CSMD3: variants seen among roughly 807,000 people sequenced by gnomAD.
CSMD3 encodes CUB and Sushi multiple domains 3, also known as CUB and sushi domain-containing protein 3.
CSMD3 carries 177 observed loss-of-function variants against 435.2 expected under a neutral mutation model. That is an observed-to-expected ratio of 0.41 (90% CI 0.36 to 0.46). CSMD3 has a LOEUF of 0.46. Among genes scored for constraint, CSMD3 ranks in the 20% least tolerant of loss-of-function variants. CSMD3 has a pLI of 0.34. For missense variants in CSMD3, 4,265 were observed against 4,504.6 expected (o/e 0.95, Z 1.52); for synonymous variants, 1,656 against 1,520.5 (o/e 1.09, Z -2.07).
intron 5 of CSMD3, among the ~76,000 whole-genome samples, chr8:113,077,552 A>T (rs945376174): frequency 6.6e-6 from 1 of 151,996 alleles, no homozygotes; most frequent in Non-Finnish European, 1.5e-5. Context: ...AAATACAAAG[A>T]TTAGCCGGGT....
chr8:112,255,385 C>T lies in CSMD3; in HGVS notation c.9905G>A (p.Arg3302Lys), dbSNP rs2130279225. The T allele has an allele frequency of 1.2e-6, 2 of 1,613,668 alleles. No individual in the cohort carries two copies. Among genetic ancestry groups the T allele is most frequent in the Non-Finnish European group, 8.5e-7 (1 of 1,179,778 alleles). Residue 3302 changes from arginine (R) to lysine (K), a missense_variant, in exon 62 of 71, where the codon AGA becomes AAA. Coordinates refer to ENST00000297405, the MANE Select transcript of CSMD3 (RefSeq NM_198123.2). ...GDPGIPAQGK[R>K]EGKSFIYQSE... ...CTGGTATATAAAGCTTTTGCCTTCT[C>T]TTTTTCCTTGGGCAGGTATACCAGG...
intron 1 of CSMD3, among the ~76,000 whole-genome samples, chr8:113,316,370 A>C (rs2093909820): frequency 1.3e-5 from 2 of 152,190 alleles, no homozygotes. Context: ...AATATATTTT[A>C]TGTAAGTATG....
At chr8:113,027,962 T>C (rs2086937894) in intron 5 of CSMD3, among the ~76,000 whole-genome samples, 1 of 152,148 alleles carries the variant, frequency 6.6e-6, no homozygotes, top group Admixed American at 6.5e-5. Flanking sequence ...ATGCACAGTT[T>C]GCATAGAATT....
chr8:112,543,672 T>C lies in CSMD3; in HGVS notation c.4564+6999A>G, dbSNP rs373774186. Reference sequence around the variant, plus strand: ...GCCACTATGGAAAATATTATGAAGGTTCCTCAAAAAATCTAAAAATGAAAC... The same window carrying C: ...GCCACTATGGAAAATATTATGAAGGCTCCTCAAAAAATCTAAAAATGAAAC... On this transcript the variant is annotated intron_variant, in intron 27 of 70. Coordinates refer to ENST00000297405, the MANE Select transcript of CSMD3 (RefSeq NM_198123.2). 1.2e-4 allele frequency among the ~76,000 whole-genome samples: 19 copies of C among 152,198 alleles called. No homozygotes were observed. In the East Asian group the frequency reaches 3.3e-3, roughly 26 times the overall value.
chr8:112,670,115 G>T (rs1033189566), intron 16 of CSMD3, among the ~76,000 whole-genome samples: 1 of 152,142 alleles, frequency 6.6e-6, no homozygotes, highest in African/African-American at 2.4e-5. Flanking sequence ...TCATAGAAGA[G>T]ATTCTGTTTA....
intron 13 of CSMD3, among the ~76,000 whole-genome samples, chr8:112,714,490 C>G (rs1227123658): frequency 6.6e-6 from 1 of 152,030 alleles, no homozygotes; most frequent in Non-Finnish European, 1.5e-5. Context: ...GATTTAACAC[C>G]CCACTGTCAA....
At chr8:112,413,945 C>T (rs1163075314) in intron 32 of CSMD3, among the ~76,000 whole-genome samples, 1 of 152,138 alleles carries the variant, frequency 6.6e-6, no homozygotes, top group Non-Finnish European at 1.5e-5. Context: ...TACCCTCTCA[C>T]CTCCACCATC....
intron 2 of CSMD3, among the ~76,000 whole-genome samples, chr8:113,299,898 C>A (rs558350220): frequency 2.0e-5 from 3 of 151,908 alleles, no homozygotes; most frequent in African/African-American, 7.2e-5. Flanking sequence ...GAGGCTGAGG[C>A]AGGAGAATCG....
chr8:112,534,613 T>C (rs2131093982), intron 27 of CSMD3, among the ~76,000 whole-genome samples: 1 of 152,254 alleles, frequency 6.6e-6, no homozygotes, highest in South Asian at 2.1e-4. Context: ...AAGGAGGAAT[T>C]GGTACCATTC....
chr8:112,265,001 G>A (rs1816800519), intron 60 of CSMD3, among the ~76,000 whole-genome samples: 1 of 151,868 alleles, frequency 6.6e-6, no homozygotes, highest in Non-Finnish European at 1.5e-5. Flanking sequence ...CTATAATTCA[G>A]GCCGGCTCTT....
intron 16 of CSMD3, among the ~76,000 whole-genome samples, chr8:112,673,514 A>G (rs1351391983): frequency 6.6e-6 from 1 of 152,160 alleles, no homozygotes; most frequent in Non-Finnish European, 1.5e-5. Context: ...TCATTGTTAG[A>G]TATAAATATA....
chr8:112,792,783 T>TA (rs2078723682), intron 13 of CSMD3, among the ~76,000 whole-genome samples: 3 of 152,132 alleles, frequency 2.0e-5, no homozygotes, highest in Admixed American at 2.0e-4. Flanking sequence ...CTGCACCATT[T>TA]AAAAAATATG....
intron 7 of CSMD3, among the ~76,000 whole-genome samples, chr8:112,955,910 C>A (rs906523533): frequency 1.3e-5 from 2 of 151,778 alleles, no homozygotes; most frequent in Non-Finnish European, 2.9e-5. Flanking sequence ...TCATTCTAAG[C>A]AATTAGTTCA....
intron 10 of CSMD3, among the ~76,000 whole-genome samples, chr8:112,913,999 G>A (rs545000733): frequency 5.9e-4 from 89 of 151,798 alleles, no homozygotes; most frequent in African/African-American, 2.0e-3. Flanking sequence ...TCTCTTTGAG[G>A]AGAAAAATTC....
At chr8:113,361,385 C>T (rs532341617) in intron 1 of CSMD3, among the ~76,000 whole-genome samples, 15 of 151,998 alleles carry the variant, frequency 9.9e-5, no homozygotes, top group Admixed American at 5.9e-4. Context: ...TTATTTATGT[C>T]GATGGAAAAA....
intron 6 of CSMD3, among the ~76,000 whole-genome samples, chr8:113,001,781 C>T (rs759230602): frequency 3.9e-5 from 6 of 152,094 alleles, no homozygotes; most frequent in Non-Finnish European, 5.9e-5. Context: ...TGATGTTATT[C>T]GAGGACCTGC....
Position 113,238,181 on chromosome 8 carries a change from T to C in CSMD3, c.514+40411A>G, listed in dbSNP as rs554763569. Among the ~76,000 whole-genome samples the C allele has an allele frequency of 1.6e-3, 237 of 151,998 alleles. 1 individual carries two copies. Among genetic ancestry groups the C allele is most frequent in the Non-Finnish European group, 3.2e-3 (215 of 68,018 alleles). On this transcript the variant is annotated intron_variant, in intron 3 of 70. Transcript: ENST00000297405. ...CCACATTTGTTTTTAGTTCTGCATATTTGGTGGTAAGAATGAAAAGCTACA... is the reference window on the plus strand; with the variant it reads ...CCACATTTGTTTTTAGTTCTGCATACTTGGTGGTAAGAATGAAAAGCTACA...
chr8:112,717,628 C>G (rs1374420147), intron 13 of CSMD3, among the ~76,000 whole-genome samples: 1 of 152,110 alleles, frequency 6.6e-6, no homozygotes, highest in African/African-American at 2.4e-5. Context: ...TTTATTGCAG[C>G]ATTATTTACA....
At chr8:112,884,876 G>A (rs1382271865) in intron 10 of CSMD3, among the ~76,000 whole-genome samples, 1 of 151,650 alleles carries the variant, frequency 6.6e-6, no homozygotes, top group Non-Finnish European at 1.5e-5. Flanking sequence ...TAAAAATGTT[G>A]TTAGCATAAA....
Sources: allele counts gnomAD v4.1 joint callset (sites outside exome capture counted in the v4.1 genomes callset), GRCh38; gene constraint gnomAD v4.1.1; transcripts MANE v1.5; gene names NCBI Gene and HGNC (gene_info 2026-07-23, HGNC 2026-07-21).